CRYBA4: variants seen among roughly 807,000 people sequenced by gnomAD.
CRYBA4 encodes crystallin beta A4.
Under a neutral mutation model 31.7 loss-of-function variants are expected in CRYBA4, and 30 were observed. The observed-to-expected ratio is 0.95, with a 90% CI of 0.71 to 1.28. The LOEUF (loss-of-function observed/expected upper bound fraction) is 1.28, where lower values mean the gene tolerates loss of function less well. Among genes scored for constraint, CRYBA4 ranks in the 50% most tolerant of loss-of-function variants. The pLI is 0.00. For synonymous variants in CRYBA4, 102 were observed against 102.3 expected, an observed-to-expected ratio of 1.00 and a Z score of 0.02; for missense variants, 225 against 260.7, an observed-to-expected ratio of 0.86 and a Z score of 0.94.
chr22:26,601,767 AG>A, the CRYBA4 span: 1 of 1,550,188 alleles, frequency 6.5e-7, no homozygotes, highest in South Asian at 1.2e-5. Flanking sequence ...AGACTGTGGA[AG>A]GGGCCATGGC....
chr22:26,625,745 C>A, intron 4 of CRYBA4, 123 bp downstream of exon 4: 1 of 934,638 alleles, frequency 1.1e-6, no homozygotes, highest in Non-Finnish European at 1.6e-6. Flanking sequence ...AAGGGCTGTT[C>A]AGTCTCTTTC....
the CRYBA4 span, among the ~76,000 whole-genome samples, chr22:26,612,403 C>T: frequency 1.3e-5 from 2 of 152,138 alleles, no homozygotes; most frequent in African/African-American, 4.8e-5. Context: ...CACTCTGTCG[C>T]CCCAGCTGAA....
chr22:26,604,086 A>G, the CRYBA4 span, among the ~76,000 whole-genome samples: 1 of 152,222 alleles, frequency 6.6e-6, no homozygotes, highest in Non-Finnish European at 1.5e-5. Context: ...AAAAGTCATC[A>G]TGCACTGTTT....
At chr22:26,611,631 C>T in the CRYBA4 span, among the ~76,000 whole-genome samples, 34 of 152,086 alleles carry the variant, frequency 2.2e-4, no homozygotes, top group South Asian at 6.3e-4. Context: ...CCCGCCACCA[C>T]GCCCGGCTAA....
At chr22:26,599,326 G>A in the CRYBA4 span, 7 of 649,038 alleles carry the variant, frequency 1.1e-5, no homozygotes, top group Admixed American at 5.7e-5. Flanking sequence ...TATTAAGAGC[G>A]AGGAAGTCAC....
the CRYBA4 span, among the ~76,000 whole-genome samples, chr22:26,608,824 T>C: frequency 6.6e-6 from 1 of 152,216 alleles, no homozygotes; most frequent in Non-Finnish European, 1.5e-5. Context: ...GGGAAGGGAA[T>C]GATGGTAATA....
At position 26,623,353 on chromosome 22, in the gene CRYBA4, G is replaced by T; in HGVS notation, c.158+1G>T. The T allele has an allele frequency of 1.2e-6, 2 of 1,610,424 alleles. No homozygotes were observed. The highest frequency in any genetic ancestry group is 3.3e-5 in the Admixed American group (2 of 60,018). ...GATCTTTGAAAGTGCTGAGTGGAGC[G>T]TGAGTCTAGGGGGACACTGAGTTGG... On this transcript the variant is annotated splice_donor_variant, in intron 3 of 5. Coordinates refer to ENST00000354760, the MANE Select transcript of CRYBA4 (RefSeq NM_001886.3). LOFTEE classifies it high-confidence loss of function.
chr22:26,590,413 G>A, the CRYBA4 span, among the ~76,000 whole-genome samples: 1 of 152,202 alleles, frequency 6.6e-6, no homozygotes, highest in South Asian at 2.1e-4. Flanking sequence ...CAATGAAGTG[G>A]AATGATCACC....
chr22:26,593,716 G>A, the CRYBA4 span, among the ~76,000 whole-genome samples: 1 of 151,814 alleles, frequency 6.6e-6, no homozygotes, highest in South Asian at 2.1e-4. Context: ...AGTAGAGATG[G>A]GATTTCTTCA....
At chr22:26,611,561 G>A in the CRYBA4 span, among the ~76,000 whole-genome samples, 1 of 149,440 alleles carries the variant, frequency 6.7e-6, no homozygotes, top group Non-Finnish European at 1.5e-5. Flanking sequence ...TGCAAGCTCC[G>A]CTTCCCGGGT....
intron 5 of CRYBA4, among the ~76,000 whole-genome samples, chr22:26,628,835 C>G (rs952477068): frequency 2.0e-5 from 3 of 152,098 alleles, no homozygotes; most frequent in South Asian, 2.1e-4. Context: ...CTCAGTGATT[C>G]TATTAAAGGT....
chr22:26,600,003 C>G, the CRYBA4 span, among the ~76,000 whole-genome samples: 1 of 152,140 alleles, frequency 6.6e-6, no homozygotes, highest in East Asian at 1.9e-4. Context: ...TCCCATTAAA[C>G]GTGATGATGC....
intron 4 of CRYBA4, among the ~76,000 whole-genome samples, chr22:26,627,634 T>TTCTCTCTC (rs771986344): frequency 7.6e-5 from 10 of 131,868 alleles, no homozygotes; most frequent in African/African-American, 2.7e-4. Flanking sequence ...CCTTCCTTCC[T>TTCTCTCTC]TCTCTCTCTC....
At chr22:26,598,977 T>C in the CRYBA4 span, among the ~76,000 whole-genome samples, 2 of 152,124 alleles carry the variant, frequency 1.3e-5, no homozygotes, top group African/African-American at 4.8e-5. Flanking sequence ...GAAAATCACT[T>C]CCCCTCTCTG....
chr22:26,627,498 T>TTC (rs1569211918), intron 4 of CRYBA4, among the ~76,000 whole-genome samples: 2 of 32,248 alleles, frequency 6.2e-5, no homozygotes, highest in African/African-American at 2.5e-4. Flanking sequence ...TTTTCTTTCT[T>TTC]TCTTTCTTTC....
chr22:26,609,668 G>C, the CRYBA4 span, among the ~76,000 whole-genome samples: 61 of 152,314 alleles, frequency 4.0e-4, no homozygotes, highest in African/African-American at 1.4e-3. Context: ...AGATGCATGG[G>C]TAAGTAGATG....
chr22:26,624,741 C>T (rs8137032), intron 3 of CRYBA4, among the ~76,000 whole-genome samples: 31,785 of 152,162 alleles, frequency 0.21, 3,900 homozygotes, highest in East Asian at 0.39. Context: ...AGGCAAGGTG[C>T]AGCCTCCTGT....
chr22:26,599,697 G>C, the CRYBA4 span: 2 of 1,606,292 alleles, frequency 1.2e-6, no homozygotes, highest in Non-Finnish European at 1.7e-6. Flanking sequence ...GAGAAGGACA[G>C]AGTGGAGACA....
chr22:26,616,723 T>C, the CRYBA4 span, among the ~76,000 whole-genome samples: 16 of 152,320 alleles, frequency 1.1e-4, no homozygotes, highest in African/African-American at 3.8e-4. Flanking sequence ...GTACTTAAGG[T>C]GTGCCAGGCA....
Sources: allele counts gnomAD v4.1 joint callset (sites outside exome capture counted in the v4.1 genomes callset), GRCh38; gene constraint gnomAD v4.1.1; transcripts MANE v1.5; gene names NCBI Gene and HGNC (gene_info 2026-07-23, HGNC 2026-07-21).